The following NCKAP1 variants were observed in gnomAD, a reference collection of about 807,000 sequenced individuals.
NCKAP1 encodes NCK associated protein 1, also known as nck-associated protein 1.
In NCKAP1, 21 loss-of-function variants were observed where a neutral mutation model predicts 151.2. That is an observed-to-expected ratio of 0.14 (90% CI 0.10 to 0.20). The LOEUF (loss-of-function observed/expected upper bound fraction) is 0.20, where lower values mean the gene tolerates loss of function less well. Ranked by LOEUF, NCKAP1 falls within the 10% of genes least tolerant of loss-of-function variation. NCKAP1 has a pLI of 1.00. For missense variants in NCKAP1, 933 were observed against 1,352.1 expected (o/e 0.69, Z 4.86); for synonymous variants, 484 against 451.8 (o/e 1.07, Z -0.90).
chr2:182,993,794 C>A (rs1362671165), intron 8 of NCKAP1, among the ~76,000 whole-genome samples: 2 of 152,092 alleles, frequency 1.3e-5, no homozygotes, highest in African/African-American at 2.4e-5. Flanking sequence ...AATCTGTACA[C>A]CAAACCCCCA....
At position 183,024,889 on chromosome 2, in the gene NCKAP1, T is replaced by C. The variant is rs893428416; in HGVS notation, c.109-973A>G. The stretch of plus-strand genomic sequence containing the variant: ...TTTTCCATTGTTTACTATGGCTATG[T>C]TGTGGATTGCAGAAAGAGAAGTTAT... On this transcript the variant is annotated intron_variant, in intron 1 of 30. Coordinates refer to ENST00000361354, the MANE Select transcript of NCKAP1 (RefSeq NM_013436.5). 48 of 1,438,190 alleles carry C rather than the reference T, an allele frequency of 3.3e-5. No individual in the cohort carries two copies. The South Asian group carries it at 3.5e-4, about 10-fold the overall frequency. The allele number at this position is 1,438,190 out of a possible 1,614,324, so 89.1% of individuals were successfully genotyped here.
chr2:183,020,708 A>C (rs1698782319), intron 2 of NCKAP1, among the ~76,000 whole-genome samples: 1 of 152,122 alleles, frequency 6.6e-6, no homozygotes, highest in African/African-American at 2.4e-5. Context: ...TATCAATACC[A>C]CTTCTACAGT....
chr2:182,984,348 A>G (rs2105856392), intron 10 of NCKAP1, among the ~76,000 whole-genome samples: 1 of 150,322 alleles, frequency 6.7e-6, no homozygotes, highest in Admixed American at 6.7e-5. Context: ...AAAAAAAATC[A>G]TAAAATGTTC....
rs572642391 is a variant in NCKAP1 at position 182,923,488 on chromosome 2, G to C, written c.*2214C>G. On this transcript the variant is annotated 3_prime_UTR_variant, in exon 31 of 31. Transcript: ENST00000361354. ...GGGTTTTGCCATGTTGGCCAGGCTG[G>C]TGTTGAACTCCTGACCTCAAGTGAT... is the stretch of plus-strand genomic sequence containing the variant. The C allele has an allele frequency of 2.6e-5, 4 of 152,306 alleles. No individual in the cohort carries two copies. The highest frequency in any genetic ancestry group is 9.6e-5 in the African/African-American group (4 of 41,556). 9.4% of individuals were successfully genotyped at this position (152,306 alleles called of 1,614,324 possible).
intron 18 of NCKAP1, among the ~76,000 whole-genome samples, chr2:182,961,694 C>T (rs1054896048): frequency 4.0e-5 from 6 of 151,546 alleles, no homozygotes; most frequent in South Asian, 2.1e-4. Flanking sequence ...CTAACCTGCA[C>T]GTTGTGCACA....
intron 1 of NCKAP1, chr2:183,024,924 A>T: frequency 6.3e-7 from 1 of 1,597,120 alleles, no homozygotes; most frequent in Non-Finnish European, 8.6e-7. Flanking sequence ...TGAAACATGA[A>T]ACTGATCTGA....
intron 2 of NCKAP1, among the ~76,000 whole-genome samples, chr2:183,004,973 T>C (rs1698442089): frequency 6.6e-6 from 1 of 152,126 alleles, no homozygotes; most frequent in South Asian, 2.1e-4. Flanking sequence ...TATATACTTG[T>C]AGTGACTATT....
At chr2:182,929,040 A>G in intron 27 of NCKAP1, 141 bp from the exon 28 acceptor site, 1 of 575,440 alleles carries the variant, frequency 1.7e-6, no homozygotes, top group Non-Finnish European at 3.1e-6. Context: ...CTAGCATTCT[A>G]TAGAATTGGT....
intron 23 of NCKAP1, among the ~76,000 whole-genome samples, chr2:182,944,826 G>A (rs879686160): frequency 1.6e-4 from 25 of 152,312 alleles, no homozygotes; most frequent in Non-Finnish European, 2.2e-4. Context: ...AAGTGGCCAG[G>A]CATGGTGACT....
At position 182,926,797 on chromosome 2, in the gene NCKAP1, A is replaced by T; in HGVS notation, c.3270+19T>A. ...ACTGGAACTTTTTTATTGTTAGTAA[A>T]AATTAAAATGAGACTTACCATATCT... On this transcript the variant is annotated intron_variant, in intron 30 of 30. Transcript: ENST00000361354. The T allele has an allele frequency of 3.3e-6, 5 of 1,496,414 alleles. 1 individual carries two copies. The Middle Eastern group carries it at 8.8e-4, about 264-fold the overall frequency. The allele number at this position is 1,496,414 out of a possible 1,614,324, so 92.7% of individuals were successfully genotyped here.
intron 16 of NCKAP1, among the ~76,000 whole-genome samples, chr2:182,965,323 A>ATT (rs201076450): frequency 4.1e-5 from 6 of 146,092 alleles, no homozygotes; most frequent in African/African-American, 1.3e-4. Context: ...CATCAATTTT[A>ATT]TTTTTTTTTT....
At position 183,002,121 on chromosome 2, in the gene NCKAP1, A is replaced by C. The variant is rs1231497277; in HGVS notation, c.512+6T>G. The C allele has an allele frequency of 6.2e-7, 1 of 1,612,684 alleles. No individual in the cohort carries two copies. The highest frequency in any genetic ancestry group is 1.7e-5 in the Admixed American group (1 of 59,832). On this transcript the variant is annotated splice_donor_region_variant and intron_variant, in intron 5 of 30. Transcript: ENST00000361354. ...TTTTAGAAAGACTTTTATAATGCAA[A>C]TCTACCTTGCTCCATGAGTCATTTC...
chr2:183,034,040 C>T (rs1298621956), intron 1 of NCKAP1, among the ~76,000 whole-genome samples: 2 of 152,114 alleles, frequency 1.3e-5, no homozygotes, highest in African/African-American at 4.8e-5. Context: ...CTCTGGAACA[C>T]GCTTCTGCAT....
At chr2:183,037,235 C>T (rs1180165930) in intron 1 of NCKAP1, among the ~76,000 whole-genome samples, 1 of 152,080 alleles carries the variant, frequency 6.6e-6, no homozygotes, top group African/African-American at 2.4e-5. Flanking sequence ...AACATTTTTA[C>T]GGTTTTTATT....
intron 17 of NCKAP1, among the ~76,000 whole-genome samples, chr2:182,963,356 A>T (rs1325935351): frequency 6.6e-6 from 1 of 152,128 alleles, no homozygotes. Context: ...AGACTGCTCA[A>T]ATTTGTTCTT....
intron 1 of NCKAP1, among the ~76,000 whole-genome samples, chr2:183,030,764 T>C (rs751950318): frequency 6.6e-6 from 1 of 152,224 alleles, no homozygotes; most frequent in Non-Finnish European, 1.5e-5. Flanking sequence ...AAGTAATATA[T>C]ACCTATGATT....
At chr2:182,956,320 G>A (rs1391128814) in intron 20 of NCKAP1, 142 bp downstream of exon 20, 16 of 1,046,820 alleles carry the variant, frequency 1.5e-5, no homozygotes, top group South Asian at 3.4e-5. Context: ...GATTATAGGC[G>A]TGAGCCACCA....
chr2:182,987,899 T>C (rs1288489667), intron 9 of NCKAP1, among the ~76,000 whole-genome samples: 1 of 152,048 alleles, frequency 6.6e-6, no homozygotes, highest in Non-Finnish European at 1.5e-5. Flanking sequence ...GAGTGGGGAC[T>C]AGGCATGGCA....
Position 183,013,328 on chromosome 2 carries a change from C to T in NCKAP1, c.220-10003G>A, listed in dbSNP as rs529991476. Among the ~76,000 whole-genome samples, 6 of 152,188 alleles carry T rather than the reference C, an allele frequency of 3.9e-5. No homozygotes were observed. In the South Asian group the frequency reaches 1.2e-3, roughly 32 times the overall value. ...ATATTGAGCTACTGAGTACTTCCCC[C>T]ACTGCATTCACTGTACTACTCCCAC... On this transcript the variant is annotated intron_variant, in intron 2 of 30. Coordinates refer to ENST00000361354, the MANE Select transcript of NCKAP1 (RefSeq NM_013436.5).
Sources: gnomAD v4.1 joint callset for allele counts (sites outside exome capture counted in the v4.1 genomes callset) on GRCh38, gnomAD v4.1.1 for gene constraint, MANE v1.5 for transcripts, NCBI Gene and HGNC (gene_info 2026-07-23, HGNC 2026-07-21) for gene names.